The following SLC37A3 variants were observed in gnomAD, a reference collection of about 807,000 sequenced individuals.
SLC37A3 encodes the protein solute carrier family 37 member 3, also known as sugar phosphate exchanger 3.
In SLC37A3, 51 loss-of-function variants were observed where a neutral mutation model predicts 67.1. The ratio of observed to expected loss-of-function variants is 0.76; its 90% CI spans 0.61 to 0.96. SLC37A3 has a LOEUF of 0.96. Ranked by LOEUF, SLC37A3 falls within the 40% of genes least tolerant of loss-of-function variation. The probability of loss-of-function intolerance (pLI) is 0.00; values close to 1 mark genes in which losing one functional copy is unlikely to be tolerated. For missense variants in SLC37A3, 508 were observed against 603.0 expected (o/e 0.84, Z 1.65); for synonymous variants, 214 against 231.4 (o/e 0.92, Z 0.68).
At position 140,345,728 on chromosome 7, in the gene SLC37A3, A is replaced by G. The variant is rs573328743; in HGVS notation, c.1126+141T>C. ...GATGACAGGTTTCCCAGGCATTCAC[A>G]GGACAATGCAAAGGTGGCATATCGG... On this transcript the variant is annotated intron_variant, in intron 11 of 14. Transcript: ENST00000326232. 60 of 682,818 alleles carry G rather than the reference A, an allele frequency of 8.8e-5. No homozygotes were observed. In the East Asian group the frequency reaches 1.6e-3, roughly 18 times the overall value. 42.3% of individuals were successfully genotyped at this position (682,818 alleles called of 1,614,324 possible).
intron 3 of SLC37A3, among the ~76,000 whole-genome samples, chr7:140,377,483 A>G (rs911891382): frequency 6.6e-6 from 1 of 152,190 alleles, no homozygotes; most frequent in Admixed American, 6.6e-5. Context: ...GTTCTCAAAT[A>G]TAAGATCTAA....
chr7:140,345,868 C>T lies in SLC37A3; in HGVS notation c.1126+1G>A, dbSNP rs766488512. 19 of 1,610,226 alleles carry T rather than the reference C, an allele frequency of 1.2e-5. No homozygotes were observed. Among genetic ancestry groups the T allele is most frequent in the South Asian group, 1.1e-4 (10 of 90,988 alleles). ...ATTAGTAATTGCAAAAGAATACTCA[C>T]GACTATACCCGATGAGGGACCCAAC... On this transcript the variant is annotated splice_donor_variant, in intron 11 of 14. Coordinates refer to ENST00000326232, the MANE Select transcript of SLC37A3 (RefSeq NM_207113.3). LOFTEE classifies it high-confidence loss of function.
intron 1 of SLC37A3, among the ~76,000 whole-genome samples, chr7:140,397,650 T>G (rs1798992031): frequency 6.6e-6 from 1 of 152,080 alleles, no homozygotes; most frequent in African/African-American, 2.4e-5. Context: ...TTATATATAT[T>G]TATGTATGTA....
intron 1 of SLC37A3, among the ~76,000 whole-genome samples, chr7:140,397,325 C>T (rs993397525): frequency 7.9e-5 from 12 of 151,544 alleles, no homozygotes; most frequent in Non-Finnish European, 1.3e-4. Context: ...TCCCGAGTAG[C>T]TGGGATTACA....
chr7:140,345,089 T>G, intron 12 of SLC37A3, 127 bp downstream of exon 12: 2 of 800,248 alleles, frequency 2.5e-6, no homozygotes, highest in Non-Finnish European at 2.0e-6. Context: ...GCGTTTTTCC[T>G]TTTAAAATTT....
chr7:140,335,535 G>A (rs1271572971), intron 14 of SLC37A3, 31 bp from the exon 15 acceptor site: 1 of 1,604,820 alleles, frequency 6.2e-7, no homozygotes, highest in East Asian at 2.2e-5. Context: ...TAAATATGCA[G>A]CAACAGTTTA....
chr7:140,347,261 AAG>A, intron 10 of SLC37A3, among the ~76,000 whole-genome samples: 1 of 151,898 alleles, frequency 6.6e-6, no homozygotes, highest in African/African-American at 2.4e-5. Flanking sequence ...AAAAAAAAAA[AAG>A]AAAAAAAAAA....
intron 1 of SLC37A3, among the ~76,000 whole-genome samples, chr7:140,385,846 G>A (rs533232430): frequency 1.3e-5 from 2 of 152,078 alleles, no homozygotes; most frequent in African/African-American, 2.4e-5. Context: ...GCAGTGGCAC[G>A]ATCTCGGCCC....
chr7:140,348,751 G>A lies in SLC37A3; in HGVS notation c.899C>T (p.Ala300Val). Residue 300 changes from alanine to valine, a missense_variant, in exon 10 of 15, where the codon GCC (alanine) becomes GTC (valine). Physicochemically the swap from Ala to Val is moderately conservative, Grantham distance 64. Transcript: ENST00000326232. ...GGAGTAATTCACTAACTTCAAGCAG[G>A]CGTAGGCCAGTGAGTACTACAAGAA... Reference protein sequence around the residue: ...PGVIPYSLAYACLKLVNYSFF... With the variant: ...PGVIPYSLAYVCLKLVNYSFF... The A allele has an allele frequency of 6.2e-7, 1 of 1,614,102 alleles. No individual in the cohort carries two copies. Among genetic ancestry groups the A allele is most frequent in the Non-Finnish European group, 8.5e-7 (1 of 1,180,010 alleles).
At chr7:140,362,677 G>C (rs1232079202) in intron 5 of SLC37A3, among the ~76,000 whole-genome samples, 1 of 67,226 alleles carries the variant, frequency 1.5e-5, no homozygotes, top group African/African-American at 5.0e-5. Flanking sequence ...GGGAGGTGGG[G>C]GGGGGGGTCA....
chr7:140,339,111 C>T (rs575470552), intron 13 of SLC37A3, among the ~76,000 whole-genome samples: 10 of 152,212 alleles, frequency 6.6e-5, no homozygotes, highest in Middle Eastern at 3.4e-3. Flanking sequence ...CCCTTCATTT[C>T]TTTTTAATGG....
At chr7:140,352,432 C>G (rs1487604456) in intron 7 of SLC37A3, among the ~76,000 whole-genome samples, 2 of 152,100 alleles carry the variant, frequency 1.3e-5, no homozygotes, top group African/African-American at 4.8e-5. Flanking sequence ...AGACTAGCTC[C>G]AAAAATCTAG....
chr7:140,334,265 A>G lies in SLC37A3; in HGVS notation c.*1147T>C, dbSNP rs1271319962. On this transcript the variant is annotated 3_prime_UTR_variant, in exon 15 of 15. Transcript: ENST00000326232. The stretch of plus-strand genomic sequence containing the variant: ...TATAAAATAGAGTTTGTGTTAGATG[A>G]TTCTGCCCAACTGTGGGCAATTCTA... 1.3e-5 allele frequency: 2 copies of G among 152,206 alleles called. No homozygotes were observed. Among genetic ancestry groups the G allele is most frequent in the Non-Finnish European group, 2.9e-5 (2 of 68,038 alleles). 9.4% of individuals were successfully genotyped at this position (152,206 alleles called of 1,614,324 possible). A position where few individuals can be genotyped will look rare whatever the true frequency, so the allele number is the denominator to read the frequency against.
intron 1 of SLC37A3, among the ~76,000 whole-genome samples, chr7:140,389,117 A>C (rs1798624017): frequency 6.6e-6 from 1 of 152,176 alleles, no homozygotes; most frequent in Non-Finnish European, 1.5e-5. Flanking sequence ...TCATGGTTTG[A>C]CACTGAAACA....
In SLC37A3 at chr7:140,347,333, A is replaced by G. The variant is rs185047007; in HGVS notation, c.1024+1293T>C. Among the ~76,000 whole-genome samples, 24 of 152,302 alleles carry G rather than the reference A, an allele frequency of 1.6e-4. No individual in the cohort carries two copies. In the East Asian group the frequency reaches 4.2e-3, roughly 27 times the overall value. ...CAGTTATGGTTTGCTAATAGGACAC[A>G]ATCTTTAAAAAGCAGGGATATGAAT... On this transcript the variant is annotated intron_variant, in intron 10 of 14. Coordinates refer to ENST00000326232, the MANE Select transcript of SLC37A3 (RefSeq NM_207113.3).
intron 3 of SLC37A3, among the ~76,000 whole-genome samples, chr7:140,371,467 C>G (rs758326857): frequency 6.6e-6 from 1 of 152,144 alleles, no homozygotes; most frequent in Admixed American, 6.6e-5. Flanking sequence ...CCACCGTGCC[C>G]GACCGAGAGC....
chr7:140,358,638 AC>A lies in SLC37A3; in HGVS notation c.521+1del. Reference sequence around the variant, plus strand: ...AAATTAGAGAGGAAGGAAGTGGCATACCCGGCTTTCCCAAACCAGTTGCCCA... The same window carrying A: ...AAATTAGAGAGGAAGGAAGTGGCATACCGGCTTTCCCAAACCAGTTGCCCA... On this transcript the variant is annotated splice_donor_variant, in intron 6 of 14. Transcript: ENST00000326232. LOFTEE classifies it high-confidence loss of function. 6.2e-7 allele frequency: 1 copy of A among 1,613,592 alleles called. No individual in the cohort carries two copies. The highest frequency in any genetic ancestry group is 8.5e-7 in the Non-Finnish European group (1 of 1,179,550).
At chr7:140,388,628 T>C (rs1219265756) in intron 1 of SLC37A3, among the ~76,000 whole-genome samples, 2 of 151,904 alleles carry the variant, frequency 1.3e-5, no homozygotes, top group South Asian at 4.1e-4. Context: ...CTGGCCAACA[T>C]GGCGAAACCC....
intron 3 of SLC37A3, among the ~76,000 whole-genome samples, chr7:140,374,218 A>T (rs1797932372): frequency 1.3e-5 from 2 of 152,170 alleles, no homozygotes; most frequent in South Asian, 4.1e-4. Flanking sequence ...ATTTTAGGCC[A>T]GGTACGGTGG....
Sources: allele counts gnomAD v4.1 joint callset (sites outside exome capture counted in the v4.1 genomes callset), GRCh38; gene constraint gnomAD v4.1.1; transcripts MANE v1.5; gene names NCBI Gene and HGNC (gene_info 2026-07-23, HGNC 2026-07-21).